Variants in WASF2 observed in about 807,000 individuals in gnomAD.
WASF2 encodes WASP family member 2.
WASF2 carries 14 observed loss-of-function variants against 45.0 expected under a neutral mutation model. The ratio of observed to expected loss-of-function variants is 0.31; its 90% confidence interval spans 0.21 to 0.49. WASF2 has a LOEUF of 0.49. Among genes scored for constraint, WASF2 ranks in the 20% least tolerant of loss-of-function variants. The pLI is 0.99. For missense variants in WASF2, 439 were observed against 636.1 expected, an observed-to-expected ratio of 0.69 and a Z score of 3.33; for synonymous variants, 200 against 236.3, an observed-to-expected ratio of 0.85 and a Z score of 1.41.
intron 2 of WASF2, among the ~76,000 whole-genome samples, chr1:27,426,363 T>C (rs1360090324): frequency 1.3e-5 from 2 of 152,114 alleles, no homozygotes; most frequent in Non-Finnish European, 1.5e-5. Context: ...GCTTGGGTAA[T>C]AGTTTAGGTG....
intron 1 of WASF2, among the ~76,000 whole-genome samples, chr1:27,433,673 A>G (rs1237165937): frequency 6.6e-6 from 1 of 152,262 alleles, no homozygotes; most frequent in African/African-American, 2.4e-5. Flanking sequence ...TACCACAGCT[A>G]GCAAATATGA....
chr1:27,480,641 A>C (rs1327941994), intron 1 of WASF2, among the ~76,000 whole-genome samples: 1 of 152,246 alleles, frequency 6.6e-6, no homozygotes, highest in African/African-American at 2.4e-5. Flanking sequence ...AATACTTGAG[A>C]GTAAATGAAC....
chr1:27,432,629 CA>C (rs1277868540), intron 1 of WASF2, among the ~76,000 whole-genome samples: 41 of 101,050 alleles, frequency 4.1e-4, no homozygotes, highest in African/African-American at 1.6e-3. Context: ...GCCTGGGCGA[CA>C]GAGCGAAACT....
intron 1 of WASF2, among the ~76,000 whole-genome samples, chr1:27,467,159 A>G (rs1382542793): frequency 6.8e-6 from 1 of 147,154 alleles, no homozygotes; most frequent in Non-Finnish European, 1.5e-5. Flanking sequence ...GGTTGCAGTG[A>G]GTCGAGATAA....
Position 27,418,345 on chromosome 1 carries a change from A to T in WASF2, c.343T>A (p.Ser115Thr), listed in dbSNP as rs768662707. The T allele has an allele frequency of 1.4e-5, 23 of 1,614,054 alleles. No individual in the cohort carries two copies. In the Admixed American group the frequency reaches 3.7e-4, roughly 26 times the overall value. Residue 115 changes from serine to threonine, a missense_variant, in exon 4 of 9, where the codon TCT becomes ACT. This residue lies in a region of WASF2 where 98 missense variants were observed against 120.7 expected (regional missense o/e 0.81). Coordinates refer to ENST00000618852, the MANE Select transcript of WASF2 (RefSeq NM_006990.5). ...GTTTCTAAGACAGGCACTGGGAGAG[A>T]GTTTCTGTCAAAAAGCTTCTGGTCT... ...IQDQKLFDRN[S>T]LPVPVLETYN...
At chr1:27,468,328 C>CAA (rs1217316678) in intron 1 of WASF2, among the ~76,000 whole-genome samples, 1 of 146,524 alleles carries the variant, frequency 6.8e-6, no homozygotes. Flanking sequence ...GCAGCAATAA[C>CAA]AAAAAAAAAA....
chr1:27,466,943 G>A (rs980950913), intron 1 of WASF2, among the ~76,000 whole-genome samples: 3 of 151,968 alleles, frequency 2.0e-5, no homozygotes, highest in South Asian at 2.1e-4. Context: ...GCTGGGGTGC[G>A]GTGGCTCACA....
At chr1:27,412,866 C>A in intron 6 of WASF2, 139 bp from the exon 7 acceptor site, 1 of 915,134 alleles carries the variant, frequency 1.1e-6, no homozygotes, top group Non-Finnish European at 1.7e-6. Flanking sequence ...CACATATTTT[C>A]TGTTACACTG....
At chr1:27,465,957 G>A (rs983565154) in intron 1 of WASF2, among the ~76,000 whole-genome samples, 3 of 152,036 alleles carry the variant, frequency 2.0e-5, no homozygotes, top group African/African-American at 2.4e-5. Flanking sequence ...ACTTCCCACT[G>A]GTCCAATATG....
At chr1:27,433,793 GTTTC>G (rs1379856461) in intron 1 of WASF2, among the ~76,000 whole-genome samples, 1 of 152,212 alleles carries the variant, frequency 6.6e-6, no homozygotes, top group Non-Finnish European at 1.5e-5. Context: ...TAAAATGTAT[GTTTC>G]TTTATCAAAA....
chr1:27,410,355 A>T lies in WASF2; in HGVS notation c.825-149T>A. The T allele has an allele frequency of 7.1e-7, 1 of 1,404,162 alleles. No individual in the cohort carries two copies. 87.0% of individuals were successfully genotyped at this position (1,404,162 alleles called of 1,614,324 possible). On this transcript the variant is annotated intron_variant, in intron 7 of 8. Transcript: ENST00000618852. The surrounding 1 kb of genome is among the most constrained non-coding windows in gnomAD (Gnocchi z 4.2). Reference sequence around the variant, plus strand: ...CAGAAAGAAAAGCCTACAGATGGTCATAACAGACCAATAATGAAATAAGCA... The same window carrying T: ...CAGAAAGAAAAGCCTACAGATGGTCTTAACAGACCAATAATGAAATAAGCA...
At chr1:27,441,227 T>C (rs2017223304) in intron 1 of WASF2, among the ~76,000 whole-genome samples, 1 of 152,072 alleles carries the variant, frequency 6.6e-6, no homozygotes, top group Non-Finnish European at 1.5e-5. Context: ...GAGTGGTGGC[T>C]CATGACTGTA....
chr1:27,445,069 A>G lies in WASF2; in HGVS notation c.-43-16136T>C, dbSNP rs867967326. Reference sequence around the variant, plus strand: ...TTGAGTACAGGAATTGAAAAACAAAATATCTTTAAACCTAACATAAAGCAG... The same window carrying G: ...TTGAGTACAGGAATTGAAAAACAAAGTATCTTTAAACCTAACATAAAGCAG... On this transcript the variant is annotated intron_variant, in intron 1 of 8. Coordinates refer to ENST00000618852, the MANE Select transcript of WASF2 (RefSeq NM_006990.5). Among the ~76,000 whole-genome samples the G allele has an allele frequency of 5.3e-5, 8 of 152,324 alleles. No individual in the cohort carries two copies. The East Asian group carries it at 1.5e-3, about 29-fold the overall frequency.
intron 1 of WASF2, among the ~76,000 whole-genome samples, chr1:27,454,187 A>AT (rs869057863): frequency 1.6e-3 from 21 of 12,776 alleles, no homozygotes; most frequent in African/African-American, 3.7e-3. Flanking sequence ...ATATATATAT[A>AT]TTTTTTTTTT....
intron 1 of WASF2, among the ~76,000 whole-genome samples, chr1:27,489,077 C>T (rs972468653): frequency 2.0e-5 from 3 of 152,062 alleles, no homozygotes; most frequent in African/African-American, 7.2e-5. Flanking sequence ...CCTTCCTCTT[C>T]TCCGGTTCTA....
intron 1 of WASF2, among the ~76,000 whole-genome samples, chr1:27,462,361 A>G (rs536290256): frequency 6.6e-6 from 1 of 152,356 alleles, no homozygotes; most frequent in Non-Finnish European, 1.5e-5. Context: ...TTTTCTAAAA[A>G]CAAACTACAG....
At chr1:27,470,419 C>T (rs998782372) in intron 1 of WASF2, among the ~76,000 whole-genome samples, 1 of 151,836 alleles carries the variant, frequency 6.6e-6, no homozygotes, top group Non-Finnish European at 1.5e-5. Flanking sequence ...ACCTAAAATG[C>T]AGTAGTGGGA....
At position 27,410,916 on chromosome 1, in the gene WASF2, C is replaced by G. The variant is rs2016753339; in HGVS notation, c.825-710G>C. ...TGGGATCAGATTTGCTCGGCTGCAG[C>G]TGCAAGGTCTCAGGCCATGTGTGAA... On this transcript the variant is annotated intron_variant, in intron 7 of 8. Transcript: ENST00000618852. This position sits in a 1 kb window ranked among gnomAD's most constrained non-coding sequence, Gnocchi z 4.2. 6.6e-6 allele frequency among the ~76,000 whole-genome samples: 1 copy of G among 152,236 alleles called. No homozygotes were observed. The highest frequency in any genetic ancestry group is 6.5e-5 in the Admixed American group (1 of 15,292).
chr1:27,454,178 TATATATA>T (rs2017431608), intron 1 of WASF2, among the ~76,000 whole-genome samples: 12 of 9,234 alleles, frequency 1.3e-3, no homozygotes, highest in African/African-American at 3.0e-3. Context: ...TATATATATA[TATATATA>T]TATTTTTTTT....
Sources: gnomAD v4.1 joint callset for allele counts (sites outside exome capture counted in the v4.1 genomes callset) on GRCh38, gnomAD v4.1.1 for gene constraint, gnomAD v4.1.1 regional missense constraint, Gnocchi (gnomAD v3.1) non-coding constraint, MANE v1.5 for transcripts, NCBI Gene and HGNC (gene_info 2026-07-23, HGNC 2026-07-21) for gene names.